The following DAB1 variants were observed in gnomAD, a reference collection of about 807,000 sequenced individuals.
The protein encoded by DAB1 is disabled homolog 1.
In DAB1, 15 loss-of-function variants were observed where a neutral mutation model predicts 64.6. The observed-to-expected ratio is 0.23, with a 90% CI of 0.16 to 0.36. The LOEUF (loss-of-function observed/expected upper bound fraction) is 0.36. Among genes scored for constraint, DAB1 ranks in the 10% least tolerant of loss-of-function variants. The pLI is 1.00. For synonymous variants in DAB1, 235 were observed against 251.9 expected, an observed-to-expected ratio of 0.93 and a Z score of 0.64; for missense variants, 596 against 706.7, an observed-to-expected ratio of 0.84 and a Z score of 1.78.
intron 3 of DAB1, among the ~76,000 whole-genome samples, chr1:58,472,563 C>T (rs896345695): frequency 6.6e-6 from 1 of 152,166 alleles, no homozygotes; most frequent in African/African-American, 2.4e-5. Flanking sequence ...ACCATGGGTG[C>T]TCTATCTGTT....
chr1:57,660,328 T>G (rs1311434164), intron 6 of DAB1, among the ~76,000 whole-genome samples: 1 of 151,836 alleles, frequency 6.6e-6, no homozygotes, highest in Admixed American at 6.6e-5. Flanking sequence ...CAAAAGTAGG[T>G]TTTCTACTCT....
intron 4 of DAB1, among the ~76,000 whole-genome samples, chr1:58,188,055 C>G (rs1055761434): frequency 6.6e-6 from 1 of 151,832 alleles, no homozygotes; most frequent in African/African-American, 2.4e-5. Flanking sequence ...ATTACAGGAG[C>G]CTGCCACCAT....
At chr1:57,780,546 T>C (rs1247108486) in intron 6 of DAB1, among the ~76,000 whole-genome samples, 1 of 151,862 alleles carries the variant, frequency 6.6e-6, no homozygotes, top group Admixed American at 6.6e-5. Flanking sequence ...ATGTTCATTG[T>C]GTTAAAACAT....
intron 2 of DAB1, among the ~76,000 whole-genome samples, chr1:57,232,284 CTTTTTTTT>C (rs74940041): frequency 0.012 from 986 of 81,754 alleles, 27 homozygotes; most frequent in African/African-American, 0.042. Flanking sequence ...GCAGTGGCCA[CTTTTTTTT>C]TTTTTTTTTT....
chr1:57,268,912 T>C (rs1432258178), intron 2 of DAB1, among the ~76,000 whole-genome samples: 1 of 152,008 alleles, frequency 6.6e-6, no homozygotes, highest in Non-Finnish European at 1.5e-5. Flanking sequence ...GAGGAAGTGA[T>C]CCAAGGATTA....
chr1:57,993,122 C>G (rs1267510518), intron 5 of DAB1, among the ~76,000 whole-genome samples: 1 of 152,168 alleles, frequency 6.6e-6, no homozygotes, highest in Non-Finnish European at 1.5e-5. Context: ...TTAACACTTT[C>G]ATGAGCACTT....
At chr1:58,370,951 T>C (rs1370104948) in intron 3 of DAB1, among the ~76,000 whole-genome samples, 5 of 152,202 alleles carry the variant, frequency 3.3e-5, no homozygotes, top group African/African-American at 4.8e-5. Flanking sequence ...TATTTCTTTA[T>C]AGCAGTGTGA....
intron 4 of DAB1, among the ~76,000 whole-genome samples, chr1:57,078,028 G>A (rs1652149328): frequency 6.6e-6 from 1 of 152,142 alleles, no homozygotes; most frequent in Non-Finnish European, 1.5e-5. Flanking sequence ...AACCTCACAA[G>A]ACAAAGGGAG....
At chr1:57,510,367 C>T (rs548952025) in intron 7 of DAB1, among the ~76,000 whole-genome samples, 1 of 152,190 alleles carries the variant, frequency 6.6e-6, no homozygotes, top group Non-Finnish European at 1.5e-5. Context: ...CTTCACTGGC[C>T]TCTCCTTCTC....
At chr1:57,664,329 T>A (rs1043123025) in intron 6 of DAB1, among the ~76,000 whole-genome samples, 7 of 152,326 alleles carry the variant, frequency 4.6e-5, no homozygotes, top group African/African-American at 1.4e-4. Flanking sequence ...TAAAGATATA[T>A]TAATATATTC....
chr1:57,235,097 G>A (rs1325774489), intron 2 of DAB1, among the ~76,000 whole-genome samples: 1 of 152,194 alleles, frequency 6.6e-6, no homozygotes, highest in African/African-American at 2.4e-5. Flanking sequence ...TCAGGGATCA[G>A]AGGGAAATAC....
intron 6 of DAB1, among the ~76,000 whole-genome samples, chr1:57,696,090 C>T (rs1234205889): frequency 6.6e-6 from 1 of 152,126 alleles, no homozygotes; most frequent in Non-Finnish European, 1.5e-5. Flanking sequence ...CCTCCTCTTC[C>T]TCCTTCTTCT....
rs764084747 is a variant in DAB1, at chr1:57,462,229, G to T, written n.626-171063C>A. 7.9e-5 allele frequency among the ~76,000 whole-genome samples: 12 copies of T among 152,178 alleles called. No individual in the cohort carries two copies. In the South Asian group the frequency reaches 8.3e-4, roughly 11 times the overall value. Reference sequence around the variant, plus strand: ...CTCCCAAAGTGCTGGGATTACAGGCGTGAGCCACTGCACCGGCCAGATATA... The same window carrying T: ...CTCCCAAAGTGCTGGGATTACAGGCTTGAGCCACTGCACCGGCCAGATATA... On this transcript the variant is annotated intron_variant and non_coding_transcript_variant, in intron 7 of 20. Coordinates refer to the DAB1 transcript ENST00000485760.
At chr1:58,487,331 C>A (rs1283031492) in intron 3 of DAB1, among the ~76,000 whole-genome samples, 3 of 152,168 alleles carry the variant, frequency 2.0e-5, no homozygotes, top group African/African-American at 4.8e-5. Context: ...TATGATGCTG[C>A]TCATGCATTT....
chr1:57,987,643 G>A (rs756706677), intron 5 of DAB1, among the ~76,000 whole-genome samples: 7 of 152,272 alleles, frequency 4.6e-5, no homozygotes, highest in Middle Eastern at 3.4e-3. Context: ...GAATGCTAAA[G>A]GTGCTCAGCT....
At chr1:57,088,136 A>T (rs35522019) in intron 4 of DAB1, among the ~76,000 whole-genome samples, 4,605 of 152,174 alleles carry the variant, frequency 0.03, 134 homozygotes, top group African/African-American at 0.063. Context: ...AATGGCCCAA[A>T]CTCGGCTCAC....
intron 3 of DAB1, among the ~76,000 whole-genome samples, chr1:58,475,414 A>G (rs989601786): frequency 6.6e-6 from 1 of 152,036 alleles, no homozygotes; most frequent in African/African-American, 2.4e-5. Flanking sequence ...TACCTGCCTC[A>G]GCCTCCCAAA....
chr1:58,069,888 C>T (rs1557636504), intron 5 of DAB1, among the ~76,000 whole-genome samples: 1 of 152,104 alleles, frequency 6.6e-6, no homozygotes, highest in Non-Finnish European at 1.5e-5. Flanking sequence ...TTTCATTAAC[C>T]TTCCCTGCCA....
chr1:58,447,965 CT>C (rs1306000420), intron 3 of DAB1, among the ~76,000 whole-genome samples: 1 of 151,860 alleles, frequency 6.6e-6, no homozygotes, highest in East Asian at 1.9e-4. Flanking sequence ...TCTCATTAAT[CT>C]ACCTTGCCAT....
Sources: gnomAD v4.1 joint callset for allele counts (sites outside exome capture counted in the v4.1 genomes callset) on GRCh38, gnomAD v4.1.1 for gene constraint, MANE v1.5 for transcripts, NCBI Gene and HGNC (gene_info 2026-07-23, HGNC 2026-07-21) for gene names.